Variants in DNAL4 observed in about 807,000 individuals in gnomAD.
The protein encoded by DNAL4 is dynein axonemal light chain 4, also known as dynein light chain, outer arm 4.
DNAL4 carries 10 observed loss-of-function variants against 12.6 expected under a neutral mutation model. The observed-to-expected ratio is 0.79, with a 90% CI of 0.49 to 1.34. DNAL4 has a LOEUF of 1.34. Among genes scored for constraint, DNAL4 ranks in the 40% most tolerant of loss-of-function variants. The probability of loss-of-function intolerance (pLI) is 0.00; values close to 1 mark genes in which losing one functional copy is unlikely to be tolerated. For missense variants in DNAL4, 128 were observed against 138.1 expected (o/e 0.93, Z 0.37); for synonymous variants, 46 against 53.1 (o/e 0.87, Z 0.58).
intron 1 of DNAL4, among the ~76,000 whole-genome samples, chr22:38,783,507 T>C (rs571375315): frequency 3.9e-5 from 6 of 152,344 alleles, no homozygotes; most frequent in South Asian, 4.1e-4. Flanking sequence ...TCTGGGCTTA[T>C]TGGCAAGCAA....
chr22:38,778,616 A>G lies in DNAL4; in HGVS notation c.*833T>C, dbSNP rs900863074. 3.3e-5 allele frequency: 5 copies of G among 152,730 alleles called. No individual in the cohort carries two copies. Among genetic ancestry groups the G allele is most frequent in the African/African-American group, 1.2e-4 (5 of 41,472 alleles). The allele number at this position is 152,730 out of a possible 1,614,324, so 9.5% of individuals were successfully genotyped here. ...TAAAACCCTTTTCCCACACTCGAAA[A>G]GAACATAGAAAACCCAGCAGAGAGC... On this transcript the variant is annotated 3_prime_UTR_variant, in exon 4 of 4. Transcript: ENST00000216068.
chr22:38,782,883 G>C lies in DNAL4; in HGVS notation c.-139-13C>G. 1 of 624,050 alleles carries C rather than the reference G, an allele frequency of 1.6e-6. No homozygotes were observed. Among genetic ancestry groups the C allele is most frequent in the African/African-American group, 1.9e-5 (1 of 52,286 alleles). The allele number at this position is 624,050 out of a possible 1,614,324, so 38.7% of individuals were successfully genotyped here. A position where few individuals can be genotyped will look rare whatever the true frequency, so the allele number is the denominator to read the frequency against. On this transcript the variant is annotated splice_polypyrimidine_tract_variant and intron_variant, in intron 1 of 3. Transcript: ENST00000216068. The surrounding 1 kb of genome is among the most constrained non-coding windows in gnomAD (Gnocchi z 5.1). ...TCCCCGGGGGGTGCTGCAGAAAACA[G>C]GAGAAACCAGAAAAAAAGAGCTGGC...
intron 1 of DNAL4, among the ~76,000 whole-genome samples, chr22:38,786,696 TCCCACTAC>T (rs759278026): frequency 4.6e-5 from 7 of 152,176 alleles, no homozygotes; most frequent in Non-Finnish European, 1.0e-4. Flanking sequence ...TTATTCCCTC[TCCCACTAC>T]CCCTGCTCTC....
Position 38,783,361 on chromosome 22 carries a change from G to A in DNAL4, c.-139-491C>T, listed in dbSNP as rs561407530. ...GCGGGCCTTCCCTCCCACTACATAC[G>A]CGGGCCTTCCCTCCCACTGCATACA... On this transcript the variant is annotated intron_variant, in intron 1 of 3. Transcript: ENST00000216068. Among the ~76,000 whole-genome samples the A allele has an allele frequency of 5.8e-4, 71 of 122,162 alleles. 1 individual carries two copies. The highest frequency in any genetic ancestry group is 9.9e-3 in the Middle Eastern group (2 of 202). 80.1% of individuals were successfully genotyped at this position (122,162 alleles called of 152,430 possible).
chr22:38,788,697 C>G (rs1373817820), intron 1 of DNAL4, among the ~76,000 whole-genome samples: 4 of 152,218 alleles, frequency 2.6e-5, no homozygotes, highest in Non-Finnish European at 5.9e-5. Context: ...AACAGCTGCT[C>G]GCCACACACA....
chr22:38,782,359 T>C lies in DNAL4; in HGVS notation c.69+304A>G, dbSNP rs967176815. ...CCTGCTTCATTTTTCATTATAGTAC[T>C]TACTGCCTACGATCATGTTCTTAAA... is the stretch of plus-strand genomic sequence containing the variant. On this transcript the variant is annotated intron_variant, in intron 2 of 3. Coordinates refer to ENST00000216068, the MANE Select transcript of DNAL4 (RefSeq NM_005740.3). This position sits in a 1 kb window ranked among gnomAD's most constrained non-coding sequence, Gnocchi z 5.1. Among the ~76,000 whole-genome samples, 1 of 152,270 alleles carries C rather than the reference T, an allele frequency of 6.6e-6. No homozygotes were observed. The highest frequency in any genetic ancestry group is 2.4e-5 in the African/African-American group (1 of 41,470).
At chr22:38,787,046 C>A (rs760950168) in intron 1 of DNAL4, among the ~76,000 whole-genome samples, 2 of 152,070 alleles carry the variant, frequency 1.3e-5, no homozygotes, top group Non-Finnish European at 2.9e-5. Flanking sequence ...GGAACATCCG[C>A]GGCCCTTAGA....
chr22:38,787,918 G>A (rs958752566), intron 1 of DNAL4, among the ~76,000 whole-genome samples: 1 of 152,156 alleles, frequency 6.6e-6, no homozygotes, highest in Admixed American at 6.5e-5. Flanking sequence ...TGCACAGCCG[G>A]CAATGGTAGA....
intron 1 of DNAL4, among the ~76,000 whole-genome samples, chr22:38,793,103 G>GT (rs767526930): frequency 1.3e-5 from 2 of 152,174 alleles, no homozygotes; most frequent in Non-Finnish European, 2.9e-5. Context: ...CACCACCGTG[G>GT]TATCTGTGGT....
Position 38,782,607 on chromosome 22 carries a change from C to A in DNAL4, c.69+56G>T. 1.9e-6 allele frequency: 3 copies of A among 1,582,104 alleles called. No individual in the cohort carries two copies. The highest frequency in any genetic ancestry group is 2.6e-6 in the Non-Finnish European group (3 of 1,155,018). ...TGCAAGGGACAAGCTCCACCCACCT[C>A]TCTCCAGGCTGTGTGGGCCCTGCCG... On this transcript the variant is annotated intron_variant, in intron 2 of 3. Transcript: ENST00000216068. The surrounding 1 kb of genome is among the most constrained non-coding windows in gnomAD (Gnocchi z 5.1).
chr22:38,788,156 A>G (rs1043280445), intron 1 of DNAL4, among the ~76,000 whole-genome samples: 23 of 147,190 alleles, frequency 1.6e-4, no homozygotes, highest in African/African-American at 5.3e-4. Context: ...CAAAGCTGAC[A>G]GGGGAGGAAA....
chr22:38,780,971 C>T lies in DNAL4; in HGVS notation c.108G>A (p.Met36Ile), dbSNP rs188189750. 1.9e-6 allele frequency: 3 copies of T among 1,614,240 alleles called. No individual in the cohort carries two copies. The highest frequency in any genetic ancestry group is 2.5e-6 in the Non-Finnish European group (3 of 1,180,028). ...DMPEEMRVET[M>I]ELCVTACEKF... ...TCTCACAGGCTGTGACACATAGCTC[C>T]ATGGTCTCCACGCGCATCTCCTCTG... The change falls in exon 3 of 4, where the codon ATG becomes ATA. Residue 36 changes from methionine to isoleucine, a missense_variant. Physicochemically the swap from Met to Ile is conservative, Grantham distance 10 (BLOSUM62 1). Coordinates refer to ENST00000216068, the MANE Select transcript of DNAL4 (RefSeq NM_005740.3).
At chr22:38,783,776 T>G (rs1344960708) in intron 1 of DNAL4, among the ~76,000 whole-genome samples, 1 of 152,116 alleles carries the variant, frequency 6.6e-6, no homozygotes, top group Non-Finnish European at 1.5e-5. Context: ...GTTATGAGAA[T>G]TCAAAGAAAC....
At position 38,779,559 on chromosome 22, in the gene DNAL4, G is replaced by A. The variant is rs1417928969; in HGVS notation, c.208C>T (p.His70Tyr). ...CCAAAGCCCTCGCCGATCACCACGT[G>A]CCAGGAGGAGCCGAACTTCTTGTCC... is the stretch of plus-strand genomic sequence containing the variant. ...TMDKKFGSSWHVVIGEGFGFE... is the reference protein window; with the variant it reads ...TMDKKFGSSWYVVIGEGFGFE... Residue 70 changes from histidine to tyrosine, a missense_variant, in exon 4 of 4, where the codon CAC (histidine) becomes TAC (tyrosine). By Grantham distance (83) the His-to-Tyr change is moderately conservative. Coordinates refer to ENST00000216068, the MANE Select transcript of DNAL4 (RefSeq NM_005740.3). The surrounding 1 kb of genome is among the most constrained non-coding windows in gnomAD (Gnocchi z 4.3). 1.3e-6 allele frequency: 2 copies of A among 1,593,874 alleles called. No homozygotes were observed. Among genetic ancestry groups the A allele is most frequent in the Non-Finnish European group, 1.7e-6 (2 of 1,169,332 alleles).
At chr22:38,785,095 C>T in intron 1 of DNAL4, among the ~76,000 whole-genome samples, 1 of 152,004 alleles carries the variant, frequency 6.6e-6, no homozygotes, top group East Asian at 1.9e-4. Flanking sequence ...TTGTTTGTCT[C>T]TCTCTACAAG....
intron 1 of DNAL4, among the ~76,000 whole-genome samples, chr22:38,787,251 T>A (rs1254273482): frequency 6.6e-6 from 1 of 151,802 alleles, no homozygotes; most frequent in Non-Finnish European, 1.5e-5. Context: ...TTTCTTTTTT[T>A]TTTTTTTGAG....
rs933514821 is a variant in DNAL4 at position 38,782,837 on chromosome 22, G to T, written c.-106C>A. ...TTCAGGAAGCAGGCCCTGCCAACTC[G>T]GTGGGAGCAGAAAATGTCTTTCCCC... On this transcript the variant is annotated 5_prime_UTR_variant, in exon 2 of 4. Coordinates refer to ENST00000216068, the MANE Select transcript of DNAL4 (RefSeq NM_005740.3). This position sits in a 1 kb window ranked among gnomAD's most constrained non-coding sequence, Gnocchi z 5.1. 8.6e-6 allele frequency: 9 copies of T among 1,052,024 alleles called. No individual in the cohort carries two copies. Among genetic ancestry groups the T allele is most frequent in the Non-Finnish European group, 1.2e-5 (9 of 736,188 alleles). 65.2% of individuals were successfully genotyped at this position (1,052,024 alleles called of 1,614,324 possible).
chr22:38,793,853 C>T (rs1174033985), intron 1 of DNAL4, among the ~76,000 whole-genome samples: 1 of 148,362 alleles, frequency 6.7e-6, no homozygotes, highest in Admixed American at 6.8e-5. Flanking sequence ...GGCAGAGTCG[C>T]GATGGCAAAC....
At chr22:38,791,969 T>G (rs190614522) in intron 1 of DNAL4, among the ~76,000 whole-genome samples, 4 of 151,804 alleles carry the variant, frequency 2.6e-5, no homozygotes. Context: ...CCTCCCAAAG[T>G]GCTGGCATTA....
Sources: allele counts gnomAD v4.1 joint callset (sites outside exome capture counted in the v4.1 genomes callset), GRCh38; gene constraint gnomAD v4.1.1; non-coding constraint Gnocchi (gnomAD v3.1); transcripts MANE v1.5; gene names NCBI Gene and HGNC (gene_info 2026-07-23, HGNC 2026-07-21).